The following DLG2 variants were observed in gnomAD, a reference collection of about 807,000 sequenced individuals.
The protein encoded by DLG2 is disks large homolog 2.
In DLG2, 45 loss-of-function variants were observed where a neutral mutation model predicts 132.5. The observed-to-expected ratio is 0.34, with a 90% CI of 0.27 to 0.44. The LOEUF (loss-of-function observed/expected upper bound fraction) is 0.44, where lower values mean the gene tolerates loss of function less well. Among genes scored for constraint, DLG2 ranks in the 20% least tolerant of loss-of-function variants. The pLI is 1.00. For missense variants in DLG2, 1,045 were observed against 1,196.9 expected (o/e 0.87, Z 1.87); for synonymous variants, 424 against 419.6 (o/e 1.01, Z -0.13).
At chr11:84,136,770 T>G (rs116768106) in intron 9 of DLG2, among the ~76,000 whole-genome samples, 20 of 152,278 alleles carry the variant, frequency 1.3e-4, no homozygotes, top group African/African-American at 4.6e-4. Context: ...AAGTAGATAA[T>G]AGTACTTTGT....
intron 6 of DLG2, among the ~76,000 whole-genome samples, chr11:84,751,872 TTTTTC>T (rs1464918263): frequency 6.6e-6 from 1 of 152,116 alleles, no homozygotes; most frequent in African/African-American, 2.4e-5. Flanking sequence ...GATAAACTGA[TTTTTC>T]TTTCCTTGAT....
intron 6 of DLG2, among the ~76,000 whole-genome samples, chr11:84,674,394 ATAAG>A (rs1565627731): frequency 6.6e-6 from 1 of 152,108 alleles, no homozygotes. Context: ...AATTAATTAA[ATAAG>A]TATTTATTGA....
At chr11:85,002,248 T>A (rs2058282645) in intron 6 of DLG2, among the ~76,000 whole-genome samples, 1 of 152,140 alleles carries the variant, frequency 6.6e-6, no homozygotes, top group Non-Finnish European at 1.5e-5. Context: ...ATCATAAAAA[T>A]AATGCCCTGA....
chr11:85,295,468 A>G (rs1224303755), intron 3 of DLG2, among the ~76,000 whole-genome samples: 1 of 152,090 alleles, frequency 6.6e-6, no homozygotes, highest in Non-Finnish European at 1.5e-5. Context: ...ACTTCTTTTG[A>G]TCATCTTATG....
intron 3 of DLG2, among the ~76,000 whole-genome samples, chr11:85,314,092 G>T (rs74334861): frequency 5.2e-4 from 79 of 152,026 alleles, no homozygotes; most frequent in African/African-American, 1.8e-3. Flanking sequence ...GTGGACTGAT[G>T]TTATTATATT....
At chr11:84,134,356 C>T (rs974138545) in intron 9 of DLG2, among the ~76,000 whole-genome samples, 3 of 152,048 alleles carry the variant, frequency 2.0e-5, no homozygotes, top group African/African-American at 7.2e-5. Context: ...CTTAGGCTCA[C>T]ACAAAAGAAT....
At chr11:83,997,994 G>C (rs566471197) in intron 11 of DLG2, among the ~76,000 whole-genome samples, 2 of 151,852 alleles carry the variant, frequency 1.3e-5, no homozygotes, top group Non-Finnish European at 1.5e-5. Context: ...AATTAGCTGG[G>C]CATGGTGGTG....
At chr11:84,637,366 G>A (rs1361340130) in intron 6 of DLG2, among the ~76,000 whole-genome samples, 2 of 152,186 alleles carry the variant, frequency 1.3e-5, no homozygotes, top group Non-Finnish European at 2.9e-5. Context: ...TGAACTGAAT[G>A]TTTAATTACC....
At chr11:84,049,771 G>T (rs970170928) in intron 11 of DLG2, among the ~76,000 whole-genome samples, 2 of 151,676 alleles carry the variant, frequency 1.3e-5, no homozygotes, top group African/African-American at 4.8e-5. Flanking sequence ...GATAATAAAA[G>T]AATGAACAGA....
At chr11:84,344,643 T>A (rs2098531168) in intron 7 of DLG2, among the ~76,000 whole-genome samples, 2 of 152,158 alleles carry the variant, frequency 1.3e-5, no homozygotes, top group African/African-American at 4.8e-5. Context: ...ACAAAAGACT[T>A]CCTTCATCTA....
At chr11:85,492,054 A>C (rs1390885518) in intron 3 of DLG2, among the ~76,000 whole-genome samples, 1 of 152,158 alleles carries the variant, frequency 6.6e-6, no homozygotes. Context: ...ACATAAATCA[A>C]TGGTAAGAAT....
At chr11:84,808,206 A>T (rs888384418) in intron 6 of DLG2, among the ~76,000 whole-genome samples, 1 of 152,240 alleles carries the variant, frequency 6.6e-6, no homozygotes. Context: ...AGTGCTTGGA[A>T]ACTAAAAACC....
chr11:85,292,386 G>A (rs537059388), intron 3 of DLG2, among the ~76,000 whole-genome samples: 1 of 151,884 alleles, frequency 6.6e-6, no homozygotes, highest in African/African-American at 2.4e-5. Context: ...TAGATGAAAT[G>A]AAAATATAAA....
chr11:85,362,578 C>T (rs1452605312), intron 3 of DLG2, among the ~76,000 whole-genome samples: 2 of 151,710 alleles, frequency 1.3e-5, no homozygotes, highest in African/African-American at 4.8e-5. Flanking sequence ...ATTTGACTTC[C>T]TCTTTTCCAA....
At chr11:84,859,416 G>GTATATATGTATATGTA (rs1566174951) in intron 6 of DLG2, among the ~76,000 whole-genome samples, 1 of 139,718 alleles carries the variant, frequency 7.2e-6, no homozygotes, top group African/African-American at 2.7e-5. Context: ...ACATATATAT[G>GTATATATGTATATGTA]TATACATATA....
intron 15 of DLG2, among the ~76,000 whole-genome samples, chr11:83,917,550 C>T (rs1213762617): frequency 6.6e-6 from 1 of 152,098 alleles, no homozygotes; most frequent in African/African-American, 2.4e-5. Flanking sequence ...ACTCTGAAAT[C>T]AAAAAATCCC....
chr11:84,529,513 A>G (rs866153187), intron 7 of DLG2, among the ~76,000 whole-genome samples: 28 of 152,206 alleles, frequency 1.8e-4, no homozygotes, highest in African/African-American at 6.0e-4. Context: ...CCAAGCTGAG[A>G]GCAAAATCGA....
intron 17 of DLG2, among the ~76,000 whole-genome samples, chr11:83,827,799 A>C (rs775810213): frequency 6.6e-6 from 1 of 152,252 alleles, no homozygotes; most frequent in Admixed American, 6.5e-5. Context: ...TTCTGCAGAA[A>C]GAATGCCTGA....
chr11:84,222,940 G>A (rs1182806044), intron 8 of DLG2, among the ~76,000 whole-genome samples: 2 of 152,074 alleles, frequency 1.3e-5, no homozygotes, highest in Non-Finnish European at 2.9e-5. Context: ...TTAATACTTG[G>A]GTATATTTTG....
Sources: allele counts gnomAD v4.1 joint callset (sites outside exome capture counted in the v4.1 genomes callset), GRCh38; gene constraint gnomAD v4.1.1; transcripts MANE v1.5; gene names NCBI Gene and HGNC (gene_info 2026-07-23, HGNC 2026-07-21).